Variants in BMPR1B observed in about 807,000 individuals in gnomAD.
BMPR1B encodes the protein bone morphogenetic protein receptor type-1B.
In BMPR1B, 12 loss-of-function variants were observed where a neutral mutation model predicts 59.1. That is an observed-to-expected ratio of 0.20 (90% CI 0.13 to 0.33). The LOEUF is 0.33. Among genes scored for constraint, BMPR1B ranks in the 10% least tolerant of loss-of-function variants. The probability of loss-of-function intolerance (pLI) is 1.00; values close to 1 mark genes in which losing one functional copy is unlikely to be tolerated. For missense variants in BMPR1B, 550 were observed against 610.9 expected, an observed-to-expected ratio of 0.90 and a Z score of 1.05; for synonymous variants, 237 against 207.3, an observed-to-expected ratio of 1.14 and a Z score of -1.23.
At position 95,158,044 on chromosome 4, in the gene BMPR1B, CTTT is replaced by C. The variant is rs1560702209; in HGVS notation, c.*3372_*3374del. The stretch of plus-strand genomic sequence containing the variant: ...ATGTTGTTGGTCTGATCTGATTCTT[CTTT>C]GTTTGTGGGTGGAACGGCACTGAGA... On this transcript the variant is annotated 3_prime_UTR_variant, in exon 13 of 13. Transcript: ENST00000515059. 6.6e-6 allele frequency: 1 copy of C among 152,124 alleles called. No individual in the cohort carries two copies. The highest frequency in any genetic ancestry group is 1.9e-4 in the East Asian group (1 of 5,198). 9.4% of individuals were successfully genotyped at this position (152,124 alleles called of 1,614,324 possible). A position where few individuals can be genotyped will look rare whatever the true frequency, so the allele number is the denominator to read the frequency against.
At chr4:95,100,702 T>C (rs1048763889) in intron 3 of BMPR1B, among the ~76,000 whole-genome samples, 1 of 152,198 alleles carries the variant, frequency 6.6e-6, no homozygotes, top group African/African-American at 2.4e-5. Flanking sequence ...ATTCATGCTC[T>C]AAGTTACTTT....
rs1578994800 is a variant in BMPR1B, at chr4:95,051,695, C to T, written c.-17-52713C>T. The T allele has an allele frequency of 3.9e-6, 6 of 1,535,558 alleles. No homozygotes were observed. In the East Asian group the frequency reaches 1.5e-4, roughly 38 times the overall value. On this transcript the variant is annotated intron_variant, in intron 3 of 12. Transcript: ENST00000515059. ...GCAGGGCACATTGACTGCTCTGCTG[C>T]TGCAATGGGTTGGCTGGAAGAACTA...
chr4:95,049,419 G>GTTTTTTTTTTTTTTT (rs761496965), intron 3 of BMPR1B, among the ~76,000 whole-genome samples: 1 of 77,380 alleles, frequency 1.3e-5, no homozygotes, highest in African/African-American at 5.2e-5. Context: ...CAGCATAAAA[G>GTTTTTTTTTTTTTTT]TTTTTTTTTT....
chr4:94,990,834 A>G (rs887927524), intron 2 of BMPR1B, among the ~76,000 whole-genome samples: 2 of 152,138 alleles, frequency 1.3e-5, no homozygotes, highest in Admixed American at 1.3e-4. Flanking sequence ...TGTTGTTTTA[A>G]AGCATTACCC....
At chr4:94,980,955 A>G (rs184286487) in intron 2 of BMPR1B, among the ~76,000 whole-genome samples, 91 of 151,892 alleles carry the variant, frequency 6.0e-4, no homozygotes, top group African/African-American at 2.0e-3. Flanking sequence ...AGATTGCATT[A>G]CTACCCTCCA....
At chr4:94,951,531 T>TA (rs1729935329) in intron 2 of BMPR1B, among the ~76,000 whole-genome samples, 1 of 152,116 alleles carries the variant, frequency 6.6e-6, no homozygotes, top group Non-Finnish European at 1.5e-5. Flanking sequence ...TTGAGGTAAT[T>TA]ACGTGCTTTT....
At chr4:94,776,505 T>G (rs957011327) in intron 1 of BMPR1B, among the ~76,000 whole-genome samples, 1 of 152,252 alleles carries the variant, frequency 6.6e-6, no homozygotes, top group Admixed American at 6.5e-5. Flanking sequence ...TCTTATTCTC[T>G]TTTTTCTTTC....
chr4:95,005,488 A>G (rs570094179), intron 3 of BMPR1B, among the ~76,000 whole-genome samples: 2 of 152,240 alleles, frequency 1.3e-5, no homozygotes, highest in African/African-American at 4.8e-5. Context: ...ACGTACTATG[A>G]TCTTTCAGAC....
chr4:94,991,699 A>T (rs1244233891), intron 2 of BMPR1B, among the ~76,000 whole-genome samples: 6 of 152,180 alleles, frequency 3.9e-5, no homozygotes, highest in Non-Finnish European at 5.9e-5. Flanking sequence ...TGTCAGAGAC[A>T]AGATGAAAGA....
At chr4:95,044,951 A>C (rs1725932148) in intron 3 of BMPR1B, among the ~76,000 whole-genome samples, 1 of 152,222 alleles carries the variant, frequency 6.6e-6, no homozygotes, top group Non-Finnish European at 1.5e-5. Flanking sequence ...ATAAAACCAA[A>C]TACCAGTGCA....
chr4:94,966,538 A>C (rs1222886681), intron 2 of BMPR1B, among the ~76,000 whole-genome samples: 1 of 152,196 alleles, frequency 6.6e-6, no homozygotes, highest in Non-Finnish European at 1.5e-5. Context: ...AGAATAAAGA[A>C]AAAAATGCAG....
chr4:94,938,489 T>C lies in BMPR1B; in HGVS notation c.-112-57551T>C, dbSNP rs144089752. 7.9e-3 allele frequency among the ~76,000 whole-genome samples: 1,196 copies of C among 151,576 alleles called. 15 individuals are homozygous for C. Among genetic ancestry groups the C allele is most frequent in the African/African-American group, 0.027 (1,128 of 41,326 alleles). ...CCCACTGGGTCACAGAGCGAGACTG[T>C]GTCTAAAAAAAAAAAGTGCTTATAC... is the stretch of plus-strand genomic sequence containing the variant. On this transcript the variant is annotated intron_variant, in intron 2 of 12. Coordinates refer to ENST00000515059, the MANE Select transcript of BMPR1B (RefSeq NM_001203.3).
At chr4:94,778,787 T>C (rs186649488) in intron 1 of BMPR1B, among the ~76,000 whole-genome samples, 79 of 152,344 alleles carry the variant, frequency 5.2e-4, no homozygotes, top group Admixed American at 1.7e-3. Context: ...GAGCCATATT[T>C]TCATGCATTT....
At chr4:94,945,478 T>A (rs995664892) in intron 2 of BMPR1B, among the ~76,000 whole-genome samples, 9 of 152,320 alleles carry the variant, frequency 5.9e-5, no homozygotes, top group Admixed American at 5.2e-4. Context: ...TGCTCTGTTG[T>A]CCAGTCTAGA....
In BMPR1B at chr4:94,845,968, G is replaced by T. The variant is rs115440302; in HGVS notation, c.-182-29863G>T. On this transcript the variant is annotated intron_variant, in intron 1 of 12. Transcript: ENST00000515059. The stretch of plus-strand genomic sequence containing the variant: ...TGTTACCTCATCAAGTATATTAAAA[G>T]GTGTTTAGAAAATTTCAGTGGAACA... Among the ~76,000 whole-genome samples the T allele has an allele frequency of 6.6e-3, 1,011 of 152,198 alleles. 10 individuals carry two copies. Among genetic ancestry groups the T allele is most frequent in the African/African-American group, 0.023 (943 of 41,534 alleles).
intron 2 of BMPR1B, among the ~76,000 whole-genome samples, chr4:94,962,211 G>C (rs891208669): frequency 1.1e-4 from 16 of 148,106 alleles, no homozygotes; most frequent in African/African-American, 4.0e-4. Context: ...AATCTTGGCT[G>C]ACTGAATCCT....
intron 3 of BMPR1B, among the ~76,000 whole-genome samples, chr4:95,073,066 T>C (rs1195107567): frequency 6.6e-6 from 1 of 152,224 alleles, no homozygotes; most frequent in African/African-American, 2.4e-5. Context: ...CTATCTGTTA[T>C]GCTTCTTGGC....
At chr4:95,109,551 T>G (rs900619424) in intron 4 of BMPR1B, among the ~76,000 whole-genome samples, 1 of 152,074 alleles carries the variant, frequency 6.6e-6, no homozygotes, top group Non-Finnish European at 1.5e-5. Context: ...ATACTGAATG[T>G]CATTATAAAC....
intron 3 of BMPR1B, among the ~76,000 whole-genome samples, chr4:95,029,059 A>T (rs932976590): frequency 9.5e-6 from 1 of 105,432 alleles, no homozygotes; most frequent in Non-Finnish European, 1.9e-5. Flanking sequence ...GAGAACAGAA[A>T]CATTTTCTTT....
Sources: allele counts gnomAD v4.1 joint callset (sites outside exome capture counted in the v4.1 genomes callset), GRCh38; gene constraint gnomAD v4.1.1; transcripts MANE v1.5; gene names NCBI Gene and HGNC (gene_info 2026-07-23, HGNC 2026-07-21).